Variants in TMPRSS11F observed in about 807,000 individuals in gnomAD.
TMPRSS11F encodes transmembrane protease serine 11F.
In TMPRSS11F, 47 loss-of-function variants were observed where a neutral mutation model predicts 60.2. The observed-to-expected ratio is 0.78, with a 90% CI of 0.62 to 1.00. The LOEUF (loss-of-function observed/expected upper bound fraction) is 1.00. Among genes scored for constraint, TMPRSS11F ranks in the 50% least tolerant of loss-of-function variants. The probability of loss-of-function intolerance (pLI) is 0.00; values close to 1 mark genes in which losing one functional copy is unlikely to be tolerated. For synonymous variants in TMPRSS11F, 166 were observed against 167.3 expected (o/e 0.99, Z 0.06); for missense variants, 519 against 522.9 (o/e 0.99, Z 0.07).
At chr4:68,054,645 G>A (rs1272449595) in intron 9 of TMPRSS11F, among the ~76,000 whole-genome samples, 1 of 152,082 alleles carries the variant, frequency 6.6e-6, no homozygotes, top group Non-Finnish European at 1.5e-5. Context: ...CCGGTTTCAG[G>A]TCCAGCTCTA....
chr4:68,065,873 T>G (rs1723315148), intron 7 of TMPRSS11F, among the ~76,000 whole-genome samples: 1 of 152,008 alleles, frequency 6.6e-6, no homozygotes, highest in Admixed American at 6.5e-5. Context: ...ATCCCAGCAC[T>G]TTGGGAGGCC....
intron 3 of TMPRSS11F, chr4:68,077,496 G>T (rs1006141603): frequency 6.6e-6 from 1 of 152,224 alleles, no homozygotes; most frequent in Non-Finnish European, 1.5e-5. Context: ...GAGCAAGAAT[G>T]AAAATCATCA....
chr4:68,114,480 C>CT (rs1248516667), intron 1 of TMPRSS11F, among the ~76,000 whole-genome samples: 2 of 152,076 alleles, frequency 1.3e-5, no homozygotes, highest in African/African-American at 4.8e-5. Flanking sequence ...ATGGATAAAT[C>CT]TTTTTGAAAT....
rs148740696 is a variant in TMPRSS11F at position 68,129,809 on chromosome 4, C to T, written c.11+1G>A. The T allele has an allele frequency of 4.5e-5, 73 of 1,613,050 alleles. No homozygotes were observed. Among genetic ancestry groups the T allele is most frequent in the Middle Eastern group, 1.6e-4 (1 of 6,080 alleles). ...TTTACTGAGAAAAGCTGAATACTTA[C>T]GCGTACATCATGAACCCAGGACTGG... On this transcript the variant is annotated splice_donor_variant, in intron 1 of 9. Coordinates refer to ENST00000356291, the MANE Select transcript of TMPRSS11F (RefSeq NM_207407.2). LOFTEE classifies it high-confidence loss of function.
intron 9 of TMPRSS11F, among the ~76,000 whole-genome samples, chr4:68,058,771 G>T (rs907652432): frequency 6.6e-6 from 1 of 152,140 alleles, no homozygotes; most frequent in Non-Finnish European, 1.5e-5. Flanking sequence ...GGAAGCAGTA[G>T]TTAAAAAGCA....
chr4:68,074,847 A>G (rs1418734754), intron 3 of TMPRSS11F, among the ~76,000 whole-genome samples: 1 of 152,216 alleles, frequency 6.6e-6, no homozygotes, highest in Non-Finnish European at 1.5e-5. Flanking sequence ...CTGTAATCCA[A>G]GCACTTTGGG....
chr4:68,105,593 G>C (rs74715211), intron 1 of TMPRSS11F, among the ~76,000 whole-genome samples: 5,440 of 152,158 alleles, frequency 0.036, 273 homozygotes, highest in African/African-American at 0.11. Flanking sequence ...GGATAGTCCT[G>C]TTTCTTTCAA....
At position 68,053,632 on chromosome 4, in the gene TMPRSS11F, C is replaced by T; in HGVS notation, c.*277G>A. 1 of 285,994 alleles carries T rather than the reference C, an allele frequency of 3.5e-6. No homozygotes were observed. Among genetic ancestry groups the T allele is most frequent in the Non-Finnish European group, 6.5e-6 (1 of 155,034 alleles). 17.7% of individuals were successfully genotyped at this position (285,994 alleles called of 1,614,324 possible). On this transcript the variant is annotated 3_prime_UTR_variant, in exon 10 of 10. Transcript: ENST00000356291. ...TGTTCCTGTCTTCAATTGAGGGAAA[C>T]CACTTATTTATCTTATTAGGAAGTA... is the stretch of plus-strand genomic sequence containing the variant.
chr4:68,085,541 C>T (rs1723794095), intron 3 of TMPRSS11F, among the ~76,000 whole-genome samples: 1 of 152,160 alleles, frequency 6.6e-6, no homozygotes, highest in African/African-American at 2.4e-5. Flanking sequence ...AAACAATCAG[C>T]TAACATGACA....
chr4:68,063,762 T>C (rs1723257806), intron 8 of TMPRSS11F, among the ~76,000 whole-genome samples: 1 of 152,204 alleles, frequency 6.6e-6, no homozygotes, highest in Non-Finnish European at 1.5e-5. Context: ...CTAGACTTGA[T>C]GTCTTTTAAC....
At position 68,053,922 on chromosome 4, in the gene TMPRSS11F, T is replaced by C. The variant is rs1230658494; in HGVS notation, c.1304A>G (p.Lys435Arg). 6.2e-7 allele frequency: 1 copy of C among 1,613,446 alleles called. No individual in the cohort carries two copies. The highest frequency in any genetic ancestry group is 1.3e-5 in the African/African-American group (1 of 75,036). The change falls in exon 10 of 10, where the codon AAG becomes AGG. Residue 435 changes from lysine to arginine, a missense_variant. Transcript: ENST00000356291. ...VTKYRDWIAS[K>R]TGM ...GGGCAATCCACACTACATACCAGTC[T>C]TTGAGGCAATCCAATCTCGATACTT...
chr4:68,070,835 G>A lies in TMPRSS11F; in HGVS notation c.515-828C>T, dbSNP rs111673767. 6.4e-3 allele frequency among the ~76,000 whole-genome samples: 976 copies of A among 152,266 alleles called. 4 individuals carry two copies. The highest frequency in any genetic ancestry group is 0.01 in the Non-Finnish European group (707 of 68,014). The stretch of plus-strand genomic sequence containing the variant: ...TTGACTTCTCCCCAAAAAGGGATGC[G>A]AGCCCCAATTCCTACTAGAGGTTTC... On this transcript the variant is annotated intron_variant, in intron 5 of 9. Transcript: ENST00000356291.
At chr4:68,126,241 G>T (rs1724710374) in intron 1 of TMPRSS11F, among the ~76,000 whole-genome samples, 1 of 152,040 alleles carries the variant, frequency 6.6e-6, no homozygotes, top group South Asian at 2.1e-4. Flanking sequence ...AAACACATAT[G>T]TCTACATAGA....
At chr4:68,109,442 A>G (rs577773667) in intron 1 of TMPRSS11F, among the ~76,000 whole-genome samples, 13 of 152,300 alleles carry the variant, frequency 8.5e-5, no homozygotes, top group African/African-American at 2.9e-4. Context: ...AGAAATATGA[A>G]TAGGAATTAT....
intron 1 of TMPRSS11F, among the ~76,000 whole-genome samples, chr4:68,107,095 T>G (rs1275898696): frequency 1.3e-5 from 2 of 152,200 alleles, no homozygotes; most frequent in African/African-American, 4.8e-5. Flanking sequence ...TTTTCTTGTA[T>G]TAGAATGGTC....
chr4:68,083,916 C>T (rs1723756617), intron 3 of TMPRSS11F, among the ~76,000 whole-genome samples: 1 of 152,056 alleles, frequency 6.6e-6, no homozygotes, highest in African/African-American at 2.4e-5. Context: ...AGTTGAAATC[C>T]AATCCAATGA....
At chr4:68,093,824 A>C (rs1203301426) in intron 2 of TMPRSS11F, among the ~76,000 whole-genome samples, 1 of 150,808 alleles carries the variant, frequency 6.6e-6, no homozygotes, top group Non-Finnish European at 1.5e-5. Context: ...GCCATCAGAG[A>C]ACTGCAAATC....
At chr4:68,112,924 C>A (rs990772048) in intron 1 of TMPRSS11F, among the ~76,000 whole-genome samples, 8 of 152,080 alleles carry the variant, frequency 5.3e-5, no homozygotes, top group Admixed American at 3.3e-4. Context: ...ATTAATAAAT[C>A]TTCCCTCTAC....
intron 7 of TMPRSS11F, among the ~76,000 whole-genome samples, chr4:68,068,288 T>C (rs1469596322): frequency 2.0e-5 from 3 of 152,212 alleles, no homozygotes; most frequent in Non-Finnish European, 4.4e-5. Context: ...AGTAGCTGAC[T>C]TTCTTCTTGA....
Sources: gnomAD v4.1 joint callset for allele counts (sites outside exome capture counted in the v4.1 genomes callset) on GRCh38, gnomAD v4.1.1 for gene constraint, MANE v1.5 for transcripts, NCBI Gene and HGNC (gene_info 2026-07-23, HGNC 2026-07-21) for gene names.